Variants in F13B observed in about 807,000 individuals in gnomAD.
The protein encoded by F13B is coagulation factor XIII B chain, also known as TGase.
A neutral mutation model predicts 79.8 loss-of-function variants in F13B; 58 were observed. The ratio of observed to expected loss-of-function variants is 0.73; its 90% CI spans 0.59 to 0.90. The LOEUF (loss-of-function observed/expected upper bound fraction) is 0.90. Among genes scored for constraint, F13B ranks in the 40% least tolerant of loss-of-function variants. F13B has a pLI of 0.00. For missense variants in F13B, 773 were observed against 777.0 expected (o/e 0.99, Z 0.06); for synonymous variants, 283 against 260.3 (o/e 1.09, Z -0.84).
chr1:197,055,656 A>G, intron 8 of F13B, 59 bp downstream of exon 8: 1 of 1,528,940 alleles, frequency 6.5e-7, no homozygotes, highest in South Asian at 1.1e-5. Flanking sequence ...GATATAAAAC[A>G]CTGTAAGAAA....
chr1:197,062,890 T>C lies in F13B; in HGVS notation c.232A>G (p.Thr78Ala), dbSNP rs1249711828. 2.5e-6 allele frequency: 4 copies of C among 1,613,762 alleles called. No homozygotes were observed. Residue 78 changes from threonine to alanine, a missense_variant, in exon 2 of 12, where the codon ACA (threonine) becomes GCA (alanine). Physicochemically the swap from Thr to Ala is moderately conservative, Grantham distance 58 (BLOSUM62 0). Coordinates refer to ENST00000367412, the MANE Select transcript of F13B (RefSeq NM_001994.3). The part of the protein sequence containing the change: ...GRQEEQTTCT[T>A]EGWSPEPRCF... ...CTTGGCTCTGGAGACCAGCCTTCTG[T>C]TGTACACGTGGTTTGCTCTTCTTGT...
chr1:197,054,730 G>T (rs373576713), intron 8 of F13B, among the ~76,000 whole-genome samples: 1 of 151,806 alleles, frequency 6.6e-6, no homozygotes, highest in African/African-American at 2.4e-5. Flanking sequence ...GTGCTTGCCT[G>T]CTTAACAAAA....
chr1:197,064,078 A>G (rs1655965417), intron 1 of F13B, among the ~76,000 whole-genome samples: 1 of 152,188 alleles, frequency 6.6e-6, no homozygotes, highest in Non-Finnish European at 1.5e-5. Context: ...ACTAGTCATC[A>G]GGGAAATGAA....
chr1:197,041,063 A>G (rs1198882536), intron 10 of F13B, among the ~76,000 whole-genome samples: 9 of 152,164 alleles, frequency 5.9e-5, no homozygotes, highest in Non-Finnish European at 1.2e-4. Context: ...GGGGGGAAGC[A>G]TTGACAGTTA....
Position 197,055,910 on chromosome 1 carries a change from G to A in F13B, c.1172-13C>T. The stretch of plus-strand genomic sequence containing the variant: ...TTCTCATTATTTTCTAAGAAAAGAG[G>A]TTGTTTTAAAATTAATATGAGCTCA... On this transcript the variant is annotated splice_polypyrimidine_tract_variant and intron_variant, in intron 7 of 11. Transcript: ENST00000367412. 6.2e-7 allele frequency: 1 copy of A among 1,610,482 alleles called. No individual in the cohort carries two copies. Among genetic ancestry groups the A allele is most frequent in the East Asian group, 2.2e-5 (1 of 44,784 alleles).
At position 197,060,386 on chromosome 1, in the gene F13B, G is replaced by T. The variant is rs868532460; in HGVS notation, c.785C>A (p.Pro262Gln). ...LIQCYNFGWY[P>Q]ESPVCEGRRN... is the part of the protein sequence containing the mutation. Reference sequence around the variant, plus strand: ...TTTACCTTCGCATACAGGAGATTCTGGGTACCAACCAAAGTTATAGCATTG... The same window carrying T: ...TTTACCTTCGCATACAGGAGATTCTTGGTACCAACCAAAGTTATAGCATTG... Residue 262 changes from proline to glutamine, a missense_variant, in exon 5 of 12, where the codon CCA becomes CAA. Pro to Gln is a moderately conservative substitution (Grantham distance 76, BLOSUM62 -1). Transcript: ENST00000367412. 1.2e-6 allele frequency: 2 copies of T among 1,611,978 alleles called. No individual in the cohort carries two copies. The highest frequency in any genetic ancestry group is 2.7e-5 in the African/African-American group (2 of 74,812).
intron 10 of F13B, among the ~76,000 whole-genome samples, chr1:197,041,268 T>C (rs1408768928): frequency 6.6e-6 from 1 of 152,174 alleles, no homozygotes. Flanking sequence ...AATTTCTAGT[T>C]AAGAAATATC....
At chr1:197,048,221 G>A (rs766704792) in intron 10 of F13B, among the ~76,000 whole-genome samples, 2 of 151,618 alleles carry the variant, frequency 1.3e-5, no homozygotes, top group African/African-American at 2.4e-5. Flanking sequence ...GATATACATG[G>A]AGTATAGTAA....
At chr1:197,061,099 T>C (rs756933531) in intron 3 of F13B, 24 bp from the exon 4 acceptor site, 8 of 1,165,954 alleles carry the variant, frequency 6.9e-6, no homozygotes, top group South Asian at 1.7e-5. Flanking sequence ...AATTATTTAT[T>C]TTATAAACTT....
Position 197,060,408 on chromosome 1 carries a change from A to C in F13B, c.763T>G (p.Cys255Gly). The change falls in exon 5 of 12, where the codon TGC becomes GGC. Residue 255 changes from cysteine to glycine, a missense_variant. Coordinates refer to ENST00000367412, the MANE Select transcript of F13B (RefSeq NM_001994.3). The stretch of plus-strand genomic sequence containing the variant: ...TCTGGGTACCAACCAAAGTTATAGC[A>C]TTGAATTAAATCAGATCCACTTAGA... ...YYLSGSDLIQ[C>G]YNFGWYPESP... is the part of the protein sequence containing the mutation. 2.5e-6 allele frequency: 4 copies of C among 1,612,588 alleles called. No individual in the cohort carries two copies. The highest frequency in any genetic ancestry group is 3.4e-6 in the Non-Finnish European group (4 of 1,179,028).
rs1399281312 is a variant in F13B, at chr1:197,061,095, T to A, written c.452-20A>T. On this transcript the variant is annotated intron_variant, in intron 3 of 11. Coordinates refer to ENST00000367412, the MANE Select transcript of F13B (RefSeq NM_001994.3). ...ATGTTTCTAAAATTATAAAAATTATTTATTTTATAAACTTTTTTAATAACC... is the reference window on the plus strand; with the variant it reads ...ATGTTTCTAAAATTATAAAAATTATATATTTTATAAACTTTTTTAATAACC... 8.2e-7 allele frequency: 1 copy of A among 1,219,744 alleles called. No homozygotes were observed. The highest frequency in any genetic ancestry group is 1.6e-5 in the African/African-American group (1 of 63,816). 75.6% of individuals were successfully genotyped at this position (1,219,744 alleles called of 1,614,324 possible).
chr1:197,060,511 T>C lies in F13B; in HGVS notation c.660A>G (p.Glu220=). The part of the protein sequence containing the change: ...KLKCSSLRLI[E]NGYFHPVKQT... The stretch of plus-strand genomic sequence containing the variant: ...GCTTTACAGGATGAAAATAACCATT[T>C]TCAATTAATCTTAAAGAAGAGCACT... Residue 220 remains glutamate, a synonymous_variant, in exon 5 of 12, where the codon GAA becomes GAG. Transcript: ENST00000367412. 3.1e-6 allele frequency: 5 copies of C among 1,600,244 alleles called. No homozygotes were observed. The East Asian group carries it at 1.1e-4, about 36-fold the overall frequency.
chr1:197,052,676 A>T lies in F13B; in HGVS notation c.1513T>A (p.Cys505Ser). 6.2e-7 allele frequency: 1 copy of T among 1,611,944 alleles called. No individual in the cohort carries two copies. Among genetic ancestry groups the T allele is most frequent in the Non-Finnish European group, 8.5e-7 (1 of 1,178,754 alleles). ...GGATATTTCACTTCTCCTCTGTTGC[A>T]CTGCACAGATAATTCAGACAATGGG... is the stretch of plus-strand genomic sequence containing the variant. The part of the protein sequence containing the change: ...LTPLSELSVQ[C>S]NRGEVKYPLC... The change falls in exon 9 of 12, where the codon TGC becomes AGC. Residue 505 changes from cysteine (C) to serine (S), a missense_variant. Transcript: ENST00000367412.
At chr1:197,066,416 T>C (rs1656050718) in intron 1 of F13B, among the ~76,000 whole-genome samples, 1 of 152,116 alleles carries the variant, frequency 6.6e-6, no homozygotes, top group Non-Finnish European at 1.5e-5. Context: ...TATGGCCTGA[T>C]AATATTGATA....
chr1:197,053,634 C>T (rs181794764), intron 8 of F13B, among the ~76,000 whole-genome samples: 69 of 152,072 alleles, frequency 4.5e-4, no homozygotes, highest in East Asian at 2.5e-3. Flanking sequence ...CAGACTAACA[C>T]AGTGGCCATC....
chr1:197,058,022 G>A (rs1655712697), intron 5 of F13B, among the ~76,000 whole-genome samples: 1 of 152,072 alleles, frequency 6.6e-6, no homozygotes, highest in Admixed American at 6.6e-5. Flanking sequence ...GATGCAAGGA[G>A]TCGGTTAAGC....
chr1:197,065,047 T>C (rs1422950147), intron 1 of F13B, among the ~76,000 whole-genome samples: 1 of 152,228 alleles, frequency 6.6e-6, no homozygotes, highest in Non-Finnish European at 1.5e-5. Flanking sequence ...AAACATGGGC[T>C]GGATAGTCCC....
At chr1:197,056,933 G>T in intron 7 of F13B, 80 bp downstream of exon 7, 1 of 1,472,194 alleles carries the variant, frequency 6.8e-7, no homozygotes. Flanking sequence ...TCTTTTCCTA[G>T]GAATATTCAG....
chr1:197,052,105 A>G (rs1655462123), intron 9 of F13B, among the ~76,000 whole-genome samples: 1 of 152,136 alleles, frequency 6.6e-6, no homozygotes, highest in Non-Finnish European at 1.5e-5. Context: ...GCCCATGCCT[A>G]TGTCCTGAAT....
Sources: gnomAD v4.1 joint callset for allele counts (sites outside exome capture counted in the v4.1 genomes callset) on GRCh38, gnomAD v4.1.1 for gene constraint, MANE v1.5 for transcripts, NCBI Gene and HGNC (gene_info 2026-07-23, HGNC 2026-07-21) for gene names.